The following CATSPERT variants were observed in gnomAD, a reference collection of about 807,000 sequenced individuals.
CATSPERT encodes the protein catsper channel auxiliary subunit tau.
the CATSPERT span, among the ~76,000 whole-genome samples, chr2:201,570,896 T>A: frequency 6.6e-6 from 1 of 152,216 alleles, no homozygotes; most frequent in Non-Finnish European, 1.5e-5. Context: ...AGCACTTTCT[T>A]TTGTGGAGCC....
the CATSPERT span, among the ~76,000 whole-genome samples, chr2:201,583,890 C>A: frequency 1.3e-5 from 2 of 152,290 alleles, no homozygotes; most frequent in Admixed American, 1.3e-4. Context: ...ACTCCTGGCA[C>A]AGGAAACTTT....
At chr2:201,551,066 G>A in the CATSPERT span, 1 of 152,194 alleles carries the variant, frequency 6.6e-6, no homozygotes, top group African/African-American at 2.4e-5. Flanking sequence ...AGCAACATGA[G>A]CTTGAACTGT....
the CATSPERT span, among the ~76,000 whole-genome samples, chr2:201,556,585 G>A: frequency 1.1e-4 from 16 of 151,256 alleles, no homozygotes; most frequent in African/African-American, 3.6e-4. Flanking sequence ...CCAGCACTTT[G>A]AGAGCCCAAG....
chr2:201,601,613 C>A, the CATSPERT span: 2 of 858,160 alleles, frequency 2.3e-6, no homozygotes, highest in South Asian at 1.9e-5. Context: ...CTGTAAGATA[C>A]CAAATAAAAA....
chr2:201,536,785 AT>A, the CATSPERT span, among the ~76,000 whole-genome samples: 1 of 151,982 alleles, frequency 6.6e-6, no homozygotes, highest in Non-Finnish European at 1.5e-5. Flanking sequence ...AACTAAATAA[AT>A]TTAGCTTTAT....
At chr2:201,529,733 G>A in the CATSPERT span, among the ~76,000 whole-genome samples, 2 of 151,932 alleles carry the variant, frequency 1.3e-5, no homozygotes, top group Non-Finnish European at 2.9e-5. Flanking sequence ...ATGCAGGCAC[G>A]AAAAGCAAAA....
the CATSPERT span, chr2:201,601,762 C>A: frequency 1.2e-6 from 2 of 1,611,438 alleles, no homozygotes; most frequent in Non-Finnish European, 1.7e-6. Flanking sequence ...TACTTCACTT[C>A]ATCGAACTTA....
the CATSPERT span, among the ~76,000 whole-genome samples, chr2:201,533,780 C>T: frequency 6.6e-6 from 1 of 152,094 alleles, no homozygotes; most frequent in South Asian, 2.1e-4. Context: ...CTTCTGTAGT[C>T]TCTTCCCATA....
the CATSPERT span, among the ~76,000 whole-genome samples, chr2:201,525,770 A>C: frequency 6.6e-6 from 1 of 152,194 alleles, no homozygotes; most frequent in Non-Finnish European, 1.5e-5. Context: ...CACAATCAGA[A>C]ATGACAAAGG....
chr2:201,597,901 T>C, the CATSPERT span, among the ~76,000 whole-genome samples: 1 of 152,204 alleles, frequency 6.6e-6, no homozygotes, highest in Non-Finnish European at 1.5e-5. Context: ...TTAGTTTGCA[T>C]GGATTTAAAA....
chr2:201,540,005 A>G, the CATSPERT span, among the ~76,000 whole-genome samples: 1 of 152,276 alleles, frequency 6.6e-6, no homozygotes, highest in East Asian at 1.9e-4. Context: ...CTTATTGCAG[A>G]TATGGAGAAA....
the CATSPERT span, among the ~76,000 whole-genome samples, chr2:201,570,742 T>A: frequency 6.6e-6 from 1 of 152,108 alleles, no homozygotes; most frequent in Non-Finnish European, 1.5e-5. Context: ...TCTTAGCCAC[T>A]CTCAACTAAA....
the CATSPERT span, among the ~76,000 whole-genome samples, chr2:201,586,187 G>A: frequency 1.1e-4 from 17 of 151,818 alleles, no homozygotes; most frequent in African/African-American, 3.4e-4. Flanking sequence ...AATATGTGTC[G>A]ATCAACTGTT....
the CATSPERT span, among the ~76,000 whole-genome samples, chr2:201,563,342 A>C: frequency 1.5e-4 from 18 of 119,522 alleles, no homozygotes; most frequent in South Asian, 4.7e-3. Flanking sequence ...TCCCTCCCGG[A>C]CTGGGCGGCT....
chr2:201,577,658 C>G, the CATSPERT span, among the ~76,000 whole-genome samples: 1 of 152,124 alleles, frequency 6.6e-6, no homozygotes, highest in Non-Finnish European at 1.5e-5. Context: ...ACTGTATGAT[C>G]TCACTTATCT....
the CATSPERT span, among the ~76,000 whole-genome samples, chr2:201,572,271 G>A: frequency 6.6e-6 from 1 of 151,948 alleles, no homozygotes; most frequent in African/African-American, 2.4e-5. Flanking sequence ...AAACCTATAC[G>A]GTAAGTAACT....
chr2:201,536,185 T>C, the CATSPERT span: 3 of 1,613,554 alleles, frequency 1.9e-6, no homozygotes, highest in Non-Finnish European at 2.5e-6. Context: ...TGGTTAGAAA[T>C]AGTGCACAAT....
chr2:201,520,903 C>G, the CATSPERT span, among the ~76,000 whole-genome samples: 1 of 143,974 alleles, frequency 6.9e-6, no homozygotes, highest in East Asian at 2.0e-4. Context: ...AAAAAAGAAA[C>G]AGAAGAAGAG....
At chr2:201,508,766 T>G in the CATSPERT span, among the ~76,000 whole-genome samples, 177 of 152,316 alleles carry the variant, frequency 1.2e-3, 1 homozygote, top group Non-Finnish European at 2.1e-3. Context: ...TCATTTCACT[T>G]AGCATAATTC....
Sources: allele counts gnomAD v4.1 joint callset (sites outside exome capture counted in the v4.1 genomes callset), GRCh38; gene constraint gnomAD v4.1.1; transcripts MANE v1.5; gene names NCBI Gene and HGNC (gene_info 2026-07-23, HGNC 2026-07-21).